The following FGF13 variants were observed in gnomAD, a reference collection of about 807,000 sequenced individuals.
The protein encoded by FGF13 is fibroblast growth factor 13.
FGF13 carries 2 observed loss-of-function variants against 19.5 expected under a neutral mutation model. The ratio of observed to expected loss-of-function variants is 0.10; its 90% confidence interval spans 0.04 to 0.32. FGF13 has a LOEUF of 0.32. Ranked by LOEUF, FGF13 falls within the 10% of genes least tolerant of loss-of-function variation. The probability of loss-of-function intolerance (pLI) is 1.00; values close to 1 mark genes in which losing one functional copy is unlikely to be tolerated. For synonymous variants in FGF13, 72 were observed against 76.9 expected (o/e 0.94, Z 0.33); for missense variants, 113 against 192.7 (o/e 0.59, Z 2.45).
intron 1 of FGF13, among the ~76,000 whole-genome samples, chrX:138,878,624 G>A (rs1307297985): frequency 1.8e-5 from 2 of 108,625 alleles, no homozygotes; most frequent in Non-Finnish European, 3.8e-5. Context: ...GTGTGCATGT[G>A]TCTTTATAGC....
chrX:138,889,789 G>A (rs2091467726), intron 1 of FGF13, among the ~76,000 whole-genome samples: 2 of 111,980 alleles, frequency 1.8e-5, no homozygotes, highest in South Asian at 7.6e-4. Flanking sequence ...AGTCTGCCAT[G>A]AAAAGGAAGC....
At chrX:138,649,765 G>A (rs187180090) in intron 3 of FGF13, among the ~76,000 whole-genome samples, 5 of 112,396 alleles carry the variant, frequency 4.4e-5, no homozygotes, top group African/African-American at 1.6e-4. Context: ...GCAGGTATAA[G>A]TTCTGGTTCC....
intron 1 of FGF13, among the ~76,000 whole-genome samples, chrX:139,193,813 A>T (rs1346909287): frequency 9.0e-6 from 1 of 111,267 alleles, no homozygotes; most frequent in Non-Finnish European, 1.9e-5. Context: ...ACTAAACACT[A>T]TAAATTTCTA....
chrX:138,998,216 C>A (rs2092052814), intron 1 of FGF13, among the ~76,000 whole-genome samples: 1 of 111,619 alleles, frequency 9.0e-6, no homozygotes, highest in Non-Finnish European at 1.9e-5. Context: ...CCAGTACCAG[C>A]CACTGCAAAA....
intron 3 of FGF13, among the ~76,000 whole-genome samples, chrX:138,771,004 C>T (rs1415602011): frequency 9.0e-6 from 1 of 111,223 alleles, no homozygotes; most frequent in Non-Finnish European, 1.9e-5. Context: ...TGTCAGCAAC[C>T]CTACAGTGTA....
rs1312245519 is a variant in FGF13 at position 138,616,819 on chromosome X, A to G, written c.*16031T>C. 8.9e-6 allele frequency: 1 copy of G among 112,203 alleles called. No individual in the cohort carries two copies. Among genetic ancestry groups the G allele is most frequent in the Admixed American group, 9.5e-5 (1 of 10,567 alleles). 9.2% of individuals were successfully genotyped at this position (112,203 alleles called of 1,213,427 possible). On this transcript the variant is annotated 3_prime_UTR_variant, in exon 5 of 5. Transcript: ENST00000315930. ...TGACTTCTGTGCTCCTGCAAGCCCA[A>G]CACCATGTGTAAGCTGCCAAAGCTT...
rs2124062734 is a variant in FGF13, at chrX:138,617,427, C to T, written c.*15423G>A. 8.9e-6 allele frequency: 1 copy of T among 111,994 alleles called. No homozygotes were observed. Among genetic ancestry groups the T allele is most frequent in the East Asian group, 2.8e-4 (1 of 3,578 alleles). 9.2% of individuals were successfully genotyped at this position (111,994 alleles called of 1,213,427 possible). A position where few individuals can be genotyped will look rare whatever the true frequency, so the allele number is the denominator to read the frequency against. On this transcript the variant is annotated 3_prime_UTR_variant, in exon 5 of 5. Transcript: ENST00000315930. ...CTTGGAAGTGAATATAATCAACTAA[C>T]TTGCAACCGTAAGTTGGAGATTGTA...
rs1305915240 is a variant in FGF13, at chrX:138,619,048, C to G, written c.*13802G>C. On this transcript the variant is annotated 3_prime_UTR_variant, in exon 5 of 5. Coordinates refer to ENST00000315930, the MANE Select transcript of FGF13 (RefSeq NM_004114.5). The stretch of plus-strand genomic sequence containing the variant: ...TGCCAAAAACAACACAAAAATAATA[C>G]CACCGAAGAAACTCAGTAATTTTCC... 3 of 109,336 alleles carry G rather than the reference C, an allele frequency of 2.7e-5. No individual in the cohort carries two copies. The highest frequency in any genetic ancestry group is 3.8e-5 in the Non-Finnish European group (2 of 52,563). The allele number at this position is 109,336 out of a possible 1,213,427, so 9.0% of individuals were successfully genotyped here. A position where few individuals can be genotyped will look rare whatever the true frequency, so the allele number is the denominator to read the frequency against.
chrX:138,757,333 C>G (rs2090438069), intron 3 of FGF13, among the ~76,000 whole-genome samples: 2 of 110,270 alleles, frequency 1.8e-5, no homozygotes, highest in South Asian at 4.0e-4. Flanking sequence ...TTTCTGCATG[C>G]CACTTGGCAT....
At chrX:139,064,403 C>T (rs1297548198) in intron 1 of FGF13, among the ~76,000 whole-genome samples, 1 of 91,293 alleles carries the variant, frequency 1.1e-5, no homozygotes, top group Non-Finnish European at 2.1e-5. Flanking sequence ...CCCGGGTTCA[C>T]GCCATTCTCC....
chrX:139,157,767 G>C (rs12387699), intron 1 of FGF13, among the ~76,000 whole-genome samples: 13,076 of 112,777 alleles, frequency 0.12, 1,204 homozygotes, highest in African/African-American at 0.32. Flanking sequence ...AGCAGCCTTA[G>C]AACTGGATGA....
At chrX:139,075,832 C>CTTTT (rs749792834) in intron 1 of FGF13, among the ~76,000 whole-genome samples, 3 of 32,533 alleles carry the variant, frequency 9.2e-5, no homozygotes, top group Non-Finnish European at 9.6e-5. Context: ...ATGTGTATTT[C>CTTTT]TTTTTTTTTT....
intron 1 of FGF13, among the ~76,000 whole-genome samples, chrX:138,906,965 G>A (rs2091561752): frequency 8.9e-6 from 1 of 111,839 alleles, no homozygotes; most frequent in African/African-American, 3.3e-5. Context: ...AAAAGAGTAA[G>A]CTACTACTTT....
rs1469749497 is a variant in FGF13, at chrX:138,622,259, A to C, written c.*10591T>G. 9.0e-6 allele frequency: 1 copy of C among 111,610 alleles called. No individual in the cohort carries two copies. The highest frequency in any genetic ancestry group is 3.3e-5 in the African/African-American group (1 of 30,764). The allele number at this position is 111,610 out of a possible 1,213,427, so 9.2% of individuals were successfully genotyped here. On this transcript the variant is annotated 3_prime_UTR_variant, in exon 5 of 5. Transcript: ENST00000315930. ...TCACATTAAAAAGATCATTCACCAT[A>C]ATCAAGTGAGAGTTATCCCTGGGAT...
chrX:139,150,157 T>C (rs1331945079), intron 1 of FGF13, among the ~76,000 whole-genome samples: 2 of 111,239 alleles, frequency 1.8e-5, no homozygotes, highest in East Asian at 2.8e-4. Flanking sequence ...CTCAAAGTGA[T>C]AGCTGCTAGC....
intron 1 of FGF13, among the ~76,000 whole-genome samples, chrX:139,133,375 A>G (rs1176861829): frequency 9.4e-6 from 1 of 106,909 alleles, no homozygotes; most frequent in Non-Finnish European, 1.9e-5. Flanking sequence ...TCTCACCAGA[A>G]GACTGGTGAG....
At chrX:139,082,581 G>A (rs1290916676) in intron 1 of FGF13, among the ~76,000 whole-genome samples, 2 of 111,215 alleles carry the variant, frequency 1.8e-5, no homozygotes, top group African/African-American at 6.5e-5. Flanking sequence ...AGGGATTAGA[G>A]TGATGCAGAC....
chrX:139,025,635 T>TA lies in FGF13; in HGVS notation c.-112-160986dup, dbSNP rs758321837. 4.0e-3 allele frequency among the ~76,000 whole-genome samples: 444 copies of TA among 111,502 alleles called. 1 individual carries two copies. Among genetic ancestry groups the TA allele is most frequent in the African/African-American group, 0.014 (417 of 30,698 alleles). ...CCCTTTTCTTTCAGACTCCAGTAGT[T>TA]ATGCTAGAGATGCTCCATTTCCTTA... is the stretch of plus-strand genomic sequence containing the variant. On this transcript the variant is annotated intron_variant, in intron 1 of 2. Coordinates refer to the FGF13 transcript ENST00000421460.
chrX:138,657,621 C>T (rs945012272), intron 3 of FGF13, among the ~76,000 whole-genome samples: 6 of 111,908 alleles, frequency 5.4e-5, no homozygotes, highest in Admixed American at 9.5e-5. Context: ...CTCAATTTTC[C>T]ACTTAATGGC....
Sources: allele counts gnomAD v4.1 joint callset (sites outside exome capture counted in the v4.1 genomes callset), GRCh38; gene constraint gnomAD v4.1.1; transcripts MANE v1.5; gene names NCBI Gene and HGNC (gene_info 2026-07-23, HGNC 2026-07-21).